DIAPH1: variants seen among roughly 807,000 people sequenced by gnomAD.
The protein encoded by DIAPH1 is diaphanous related formin 1.
Under a neutral mutation model 140.7 loss-of-function variants are expected in DIAPH1, and 46 were observed. The ratio of observed to expected loss-of-function variants is 0.33; its 90% CI spans 0.26 to 0.42. The LOEUF (loss-of-function observed/expected upper bound fraction) is 0.42, where lower values mean the gene tolerates loss of function less well. Ranked by LOEUF, DIAPH1 falls within the 10% of genes least tolerant of loss-of-function variation. DIAPH1 has a pLI of 1.00. For missense variants in DIAPH1, 1,310 were observed against 1,558.7 expected, an observed-to-expected ratio of 0.84 and a Z score of 2.69; for synonymous variants, 565 against 551.6, an observed-to-expected ratio of 1.02 and a Z score of -0.34.
At chr5:141,553,048 G>A (rs2154595681) in intron 18 of DIAPH1, among the ~76,000 whole-genome samples, 1 of 152,184 alleles carries the variant, frequency 6.6e-6, no homozygotes, top group South Asian at 2.1e-4. Context: ...CAGCACTTTG[G>A]GAGGCTGACG....
intron 12 of DIAPH1, 145 bp downstream of exon 12, chr5:141,577,330 C>G: frequency 6.8e-6 from 5 of 737,280 alleles, no homozygotes; most frequent in Non-Finnish European, 9.8e-6. Flanking sequence ...AATAAGACAA[C>G]TTCCTTTATA....
intron 1 of DIAPH1, among the ~76,000 whole-genome samples, chr5:141,608,422 C>A (rs950542037): frequency 6.6e-6 from 1 of 152,250 alleles, no homozygotes; most frequent in Non-Finnish European, 1.5e-5. Context: ...CCACTTAATT[C>A]CCTCACTTCT....
At chr5:141,576,733 G>T in intron 13 of DIAPH1, 23 bp downstream of exon 13, 3 of 1,439,862 alleles carry the variant, frequency 2.1e-6, no homozygotes, top group Non-Finnish European at 2.9e-6. Context: ...ACTTGGAGGA[G>T]CCAGATAGAA....
chr5:141,585,433 G>A (rs1037560908), intron 3 of DIAPH1, among the ~76,000 whole-genome samples: 11 of 152,110 alleles, frequency 7.2e-5, no homozygotes, highest in Admixed American at 3.9e-4. Context: ...TTCATCCATC[G>A]AATTTCATGT....
Position 141,528,509 on chromosome 5 carries a change from T to A in DIAPH1, c.3092A>T (p.Tyr1031Phe). The change falls in exon 23 of 28, where the codon TAT becomes TTT. Residue 1031 changes from tyrosine to phenylalanine, a missense_variant. This residue lies in a region of DIAPH1 where 344 missense variants were observed against 512.2 expected (regional missense o/e 0.67). Transcript: ENST00000389054. ...GTCTGGAAACTTGAGGACATCGGGA[T>A]AGTCATTCTCACACAACTCAGCCAA... ...HFLAELCEND[Y>F]PDVLKFPDEL... The A allele has an allele frequency of 6.2e-7, 1 of 1,614,238 alleles. No homozygotes were observed. The highest frequency in any genetic ancestry group is 8.5e-7 in the Non-Finnish European group (1 of 1,180,044).
rs1554209787 is a variant in DIAPH1, at chr5:141,583,525, G to A, written c.493C>T (p.Leu165=). 6.2e-7 allele frequency: 1 copy of A among 1,614,032 alleles called. No homozygotes were observed. The highest frequency in any genetic ancestry group is 8.5e-7 in the Non-Finnish European group (1 of 1,180,032). The change falls in exon 5 of 28, where the codon CTG becomes TTG. Residue 165 remains leucine, a synonymous_variant. Transcript: ENST00000389054. ...GLRDMPLLSC[L]ESLRVSLNNN... is the part of the protein sequence containing the mutation. ...TTGAGAGACACACGAAGGGACTCCA[G>A]GCAGCTGAGCAGAGGCATATCCCGC... is the stretch of plus-strand genomic sequence containing the variant.
chr5:141,579,198 T>C lies in DIAPH1; in HGVS notation c.825-2A>G. 6.2e-7 allele frequency: 1 copy of C among 1,612,278 alleles called. No individual in the cohort carries two copies. Among genetic ancestry groups the C allele is most frequent in the Non-Finnish European group, 8.5e-7 (1 of 1,178,266 alleles). ...ATTGCCTCCAAAACCCTTTCATTCC[T>C]GCCCAAGAGAAAGGAAACGGAGAGA... On this transcript the variant is annotated splice_acceptor_variant, in intron 8 of 27. Coordinates refer to ENST00000389054, the MANE Select transcript of DIAPH1 (RefSeq NM_005219.5). LOFTEE classifies it high-confidence loss of function.
At chr5:141,534,659 A>C (rs547167186) in intron 18 of DIAPH1, among the ~76,000 whole-genome samples, 1 of 152,304 alleles carries the variant, frequency 6.6e-6, no homozygotes, top group East Asian at 1.9e-4. Flanking sequence ...TTTATCAGTA[A>C]TGCTTTCCTA....
At chr5:141,539,208 C>T (rs781579646) in intron 18 of DIAPH1, among the ~76,000 whole-genome samples, 16 of 151,448 alleles carry the variant, frequency 1.1e-4, no homozygotes, top group Admixed American at 1.1e-3. Context: ...ACCCAGGAGG[C>T]GGAGGTTGCA....
chr5:141,611,975 G>A (rs889642404), intron 1 of DIAPH1, among the ~76,000 whole-genome samples: 1 of 152,188 alleles, frequency 6.6e-6, no homozygotes, highest in Admixed American at 6.5e-5. Flanking sequence ...GCTGAGGCAG[G>A]AGAATCCCTT....
intron 27 of DIAPH1, chr5:141,518,886 T>C (rs895253964): frequency 8.0e-6 from 12 of 1,508,274 alleles, no homozygotes; most frequent in Non-Finnish European, 9.9e-6. Flanking sequence ...ACTGTTTTCA[T>C]CCCAGGAGAG....
Position 141,565,800 on chromosome 5 carries a change from T to C in DIAPH1, c.2482+5628A>G, listed in dbSNP as rs2099894275. On this transcript the variant is annotated intron_variant, in intron 18 of 27. Transcript: ENST00000389054. The surrounding 1 kb of genome is among the most constrained non-coding windows in gnomAD (Gnocchi z 4.3). ...ACTTCACAAATTAAGCAGAGGAGAG[T>C]TGGGAGAAAGATCAGCCAGTGAGTT... 6.6e-6 allele frequency among the ~76,000 whole-genome samples: 1 copy of C among 151,768 alleles called. No individual in the cohort carries two copies. The highest frequency in any genetic ancestry group is 2.1e-4 in the South Asian group (1 of 4,810).
At chr5:141,527,520 G>GA in intron 24 of DIAPH1, 53 bp downstream of exon 24, 1 of 1,603,562 alleles carries the variant, frequency 6.2e-7, no homozygotes, top group Non-Finnish European at 8.5e-7. Context: ...CCCACTACAG[G>GA]AAGTTTTCTT....
intron 1 of DIAPH1, 25 bp downstream of exon 1, chr5:141,618,773 G>A (rs916089079): frequency 2.6e-6 from 4 of 1,509,446 alleles, no homozygotes; most frequent in East Asian, 5.0e-5. Context: ...GGGCCAGGCA[G>A]GAGCGGGATG....
At chr5:141,616,131 T>C (rs1219513263) in intron 1 of DIAPH1, among the ~76,000 whole-genome samples, 1 of 152,212 alleles carries the variant, frequency 6.6e-6, no homozygotes, top group African/African-American at 2.4e-5. Flanking sequence ...CCACTCACTG[T>C]CAGCACGTCT....
At chr5:141,596,025 T>C (rs537077419) in intron 1 of DIAPH1, among the ~76,000 whole-genome samples, 100 of 151,934 alleles carry the variant, frequency 6.6e-4, no homozygotes, top group Non-Finnish European at 1.2e-3. Context: ...TCTACAAAAA[T>C]ATTTAAAAAT....
At chr5:141,610,542 G>T (rs1374113053) in intron 1 of DIAPH1, among the ~76,000 whole-genome samples, 1 of 151,812 alleles carries the variant, frequency 6.6e-6, no homozygotes, top group African/African-American at 2.4e-5. Flanking sequence ...CTCGTGATCC[G>T]CCCACCCTGA....
chr5:141,618,717 G>T (rs1225569848), intron 1 of DIAPH1, 81 bp downstream of exon 1: 2 of 1,039,354 alleles, frequency 1.9e-6, no homozygotes, highest in African/African-American at 1.6e-5. Context: ...CCAAAGCCGG[G>T]CAGGCGCCCC....
intron 1 of DIAPH1, among the ~76,000 whole-genome samples, chr5:141,595,820 T>C (rs749442273): frequency 6.6e-6 from 1 of 152,178 alleles, no homozygotes; most frequent in Non-Finnish European, 1.5e-5. Context: ...AGCGATATAT[T>C]GGAAATCTCT....
Sources: allele counts gnomAD v4.1 joint callset (sites outside exome capture counted in the v4.1 genomes callset), GRCh38; gene constraint gnomAD v4.1.1; regional missense constraint gnomAD v4.1.1; non-coding constraint Gnocchi (gnomAD v3.1); transcripts MANE v1.5; gene names NCBI Gene and HGNC (gene_info 2026-07-23, HGNC 2026-07-21).